Variants in CNIH3 observed in about 807,000 individuals in gnomAD.
CNIH3 encodes protein cornichon homolog 3.
Under a neutral mutation model 24.1 loss-of-function variants are expected in CNIH3, and 14 were observed. The ratio of observed to expected loss-of-function variants is 0.58; its 90% CI spans 0.38 to 0.91. The LOEUF is 0.91. Among genes scored for constraint, CNIH3 ranks in the 40% least tolerant of loss-of-function variants. The pLI, the probability that CNIH3 is intolerant of heterozygous loss-of-function variation, is 0.00. For missense variants in CNIH3, 178 were observed against 196.8 expected (o/e 0.90, Z 0.57); for synonymous variants, 68 against 73.8 (o/e 0.92, Z 0.40).
At chr1:224,533,873 GGA>G in intron 2 of CNIH3, among the ~76,000 whole-genome samples, 1 of 152,282 alleles carries the variant, frequency 6.6e-6, no homozygotes, top group South Asian at 2.1e-4. Flanking sequence ...ACATAGGCTG[GGA>G]GCACATAGGC....
intron 1 of CNIH3, among the ~76,000 whole-genome samples, chr1:224,622,512 C>T (rs1175337454): frequency 1.3e-5 from 2 of 152,216 alleles, no homozygotes; most frequent in Non-Finnish European, 1.5e-5. Flanking sequence ...AAGCTTACGT[C>T]ATCATTGTAT....
At chr1:224,696,378 G>A (rs1455098473) in intron 3 of CNIH3, among the ~76,000 whole-genome samples, 1 of 152,238 alleles carries the variant, frequency 6.6e-6, no homozygotes, top group Non-Finnish European at 1.5e-5. Flanking sequence ...ATTCTGTGGG[G>A]CTGTGTGCTC....
chr1:224,508,000 C>T (rs532840509), intron 1 of CNIH3, among the ~76,000 whole-genome samples: 1 of 152,306 alleles, frequency 6.6e-6, no homozygotes, highest in South Asian at 2.1e-4. Context: ...AAGCAAAGTC[C>T]ATTTCCCTGA....
intron 1 of CNIH3, among the ~76,000 whole-genome samples, chr1:224,468,861 A>G (rs959187836): frequency 2.0e-5 from 3 of 151,604 alleles, no homozygotes; most frequent in African/African-American, 7.3e-5. Context: ...TGGTGATGCC[A>G]TGTTCCTGAT....
At chr1:224,632,598 A>G (rs1683880029) in intron 1 of CNIH3, among the ~76,000 whole-genome samples, 1 of 152,000 alleles carries the variant, frequency 6.6e-6, no homozygotes, top group South Asian at 2.1e-4. Context: ...CTGGGACGCA[A>G]TATGTGAGAG....
intron 3 of CNIH3, among the ~76,000 whole-genome samples, chr1:224,695,584 C>T (rs1316690622): frequency 6.6e-6 from 1 of 152,180 alleles, no homozygotes; most frequent in Non-Finnish European, 1.5e-5. Context: ...TCACCCAGCT[C>T]ATAGGTCTGG....
chr1:224,596,161 C>T (rs1331121754), intron 3 of CNIH3, among the ~76,000 whole-genome samples: 4 of 152,192 alleles, frequency 2.6e-5, no homozygotes, highest in African/African-American at 9.7e-5. Flanking sequence ...AAAGTCAATG[C>T]CTGGCTTCAA....
chr1:224,641,681 T>A (rs1366605331), intron 1 of CNIH3, among the ~76,000 whole-genome samples: 1 of 152,232 alleles, frequency 6.6e-6, no homozygotes, highest in Non-Finnish European at 1.5e-5. Flanking sequence ...GGTTCTATTT[T>A]GGGCACTGGT....
At chr1:224,544,052 C>G (rs1434476130) in intron 2 of CNIH3, among the ~76,000 whole-genome samples, 1 of 152,108 alleles carries the variant, frequency 6.6e-6, no homozygotes, top group African/African-American at 2.4e-5. Context: ...TAAATTGGCT[C>G]TTTGGCTGTT....
At chr1:224,495,929 CACA>C (rs1677418769) in intron 1 of CNIH3, among the ~76,000 whole-genome samples, 1 of 152,168 alleles carries the variant, frequency 6.6e-6, no homozygotes, top group African/African-American at 2.4e-5. Context: ...CTCTGCAAAA[CACA>C]ACAATGAAAA....
chr1:224,629,016 T>C (rs1471323330), intron 1 of CNIH3, among the ~76,000 whole-genome samples: 1 of 151,148 alleles, frequency 6.6e-6, no homozygotes, highest in Non-Finnish European at 1.5e-5. Flanking sequence ...TTTTTTCTTT[T>C]CACCCCCCGA....
chr1:224,703,578 C>A lies in CNIH3; in HGVS notation c.198+18735C>A, dbSNP rs887528435. The stretch of plus-strand genomic sequence containing the variant: ...AGGGCGCTGAGTTTCATCAGCCTGG[C>A]TGTGCTGATGGGGAGCTACTGCTTT... On this transcript the variant is annotated intron_variant, in intron 3 of 5. Coordinates refer to ENST00000272133, the MANE Select transcript of CNIH3 (RefSeq NM_152495.2). The surrounding 1 kb of genome is among the most constrained non-coding windows in gnomAD (Gnocchi z 4.2). Among the ~76,000 whole-genome samples the A allele has an allele frequency of 1.3e-5, 2 of 152,142 alleles. No homozygotes were observed. Among genetic ancestry groups the A allele is most frequent in the Non-Finnish European group, 2.9e-5 (2 of 68,018 alleles).
intron 3 of CNIH3, among the ~76,000 whole-genome samples, chr1:224,601,989 A>C (rs1392060335): frequency 1.3e-5 from 2 of 152,216 alleles, no homozygotes; most frequent in East Asian, 3.8e-4. Flanking sequence ...GCTTCCATGA[A>C]ATATTTCTTG....
chr1:224,667,212 T>G (rs1438528009), intron 1 of CNIH3, among the ~76,000 whole-genome samples: 3 of 152,304 alleles, frequency 2.0e-5, no homozygotes, highest in Admixed American at 2.0e-4. Flanking sequence ...ATCCTCGAAT[T>G]TCATAAAGAA....
intron 3 of CNIH3, among the ~76,000 whole-genome samples, chr1:224,565,066 A>G (rs1680525430): frequency 6.6e-6 from 1 of 152,308 alleles, no homozygotes; most frequent in East Asian, 1.9e-4. Context: ...TCCATTTATC[A>G]CAAGTTTTCT....
chr1:224,649,273 A>G (rs1357599076), intron 1 of CNIH3, among the ~76,000 whole-genome samples: 1 of 152,218 alleles, frequency 6.6e-6, no homozygotes, highest in Non-Finnish European at 1.5e-5. Flanking sequence ...GAGATGTGAC[A>G]TCAGAAGCAG....
intron 1 of CNIH3, among the ~76,000 whole-genome samples, chr1:224,646,581 T>G (rs528414754): frequency 6.6e-6 from 1 of 152,246 alleles, no homozygotes; most frequent in South Asian, 2.1e-4. Context: ...AATTTTTGTA[T>G]TTTTTGTAGA....
chr1:224,666,001 G>T (rs1572686879), intron 1 of CNIH3, among the ~76,000 whole-genome samples: 1 of 152,194 alleles, frequency 6.6e-6, no homozygotes, highest in Admixed American at 6.5e-5. Context: ...TACAGGGCAG[G>T]GTCTGTGCCG....
chr1:224,717,797 G>C (rs1234734881), intron 3 of CNIH3: 2 of 152,210 alleles, frequency 1.3e-5, no homozygotes, highest in African/African-American at 4.8e-5. Flanking sequence ...ACCAGCCAGC[G>C]CTAGAGCTTC....
Sources: gnomAD v4.1 joint callset for allele counts (sites outside exome capture counted in the v4.1 genomes callset) on GRCh38, gnomAD v4.1.1 for gene constraint, Gnocchi (gnomAD v3.1) non-coding constraint, MANE v1.5 for transcripts, NCBI Gene and HGNC (gene_info 2026-07-23, HGNC 2026-07-21) for gene names.